The following CACNA1C variants were observed in gnomAD, a reference collection of about 807,000 sequenced individuals.
CACNA1C encodes calcium voltage-gated channel subunit alpha1 C.
In CACNA1C, 30 loss-of-function variants were observed where a neutral mutation model predicts 229.0. That is an observed-to-expected ratio of 0.13 (90% CI 0.10 to 0.18). The LOEUF (loss-of-function observed/expected upper bound fraction) is 0.18, where lower values mean the gene tolerates loss of function less well. Ranked by LOEUF, CACNA1C falls within the 10% of genes least tolerant of loss-of-function variation. CACNA1C has a pLI of 1.00. For missense variants in CACNA1C, 1,658 were observed against 2,845.0 expected (o/e 0.58, Z 9.49); for synonymous variants, 1,114 against 1,132.5 (o/e 0.98, Z 0.33).
intron 3 of CACNA1C, among the ~76,000 whole-genome samples, chr12:2,325,822 G>A (rs2096264896): frequency 6.6e-6 from 1 of 152,230 alleles, no homozygotes; most frequent in African/African-American, 2.4e-5. Context: ...CTCAGGCCAC[G>A]AGCTCTGCGG....
chr12:2,642,597 C>T (rs550891974), intron 30 of CACNA1C, among the ~76,000 whole-genome samples: 16 of 152,302 alleles, frequency 1.1e-4, no homozygotes, highest in Admixed American at 3.9e-4. Flanking sequence ...ATTTGGTGCT[C>T]CCACCCAGGG....
intron 9 of CACNA1C, among the ~76,000 whole-genome samples, chr12:2,540,396 A>T (rs919042270): frequency 1.3e-5 from 2 of 152,050 alleles, no homozygotes; most frequent in East Asian, 3.8e-4. Flanking sequence ...GGTGGGCAGG[A>T]GGGTGGTCCT....
intron 3 of CACNA1C, among the ~76,000 whole-genome samples, chr12:2,192,504 A>T (rs1566279260): frequency 6.6e-6 from 1 of 152,354 alleles, no homozygotes; most frequent in Middle Eastern, 3.4e-3. Flanking sequence ...GGCAGTAAAG[A>T]CGTCCATTTC....
chr12:2,424,675 G>A (rs1264048467), intron 3 of CACNA1C, among the ~76,000 whole-genome samples: 2 of 152,186 alleles, frequency 1.3e-5, no homozygotes, highest in Non-Finnish European at 2.9e-5. Context: ...AAGAGCTTCA[G>A]CAGCTCCAGG....
chr12:2,558,953 A>C (rs2154592727), intron 11 of CACNA1C, among the ~76,000 whole-genome samples: 2 of 152,300 alleles, frequency 1.3e-5, no homozygotes, highest in South Asian at 2.1e-4. Flanking sequence ...AAAAAAAAAA[A>C]ATTTCTCTCT....
At chr12:2,517,225 CA>C (rs985921540) in intron 9 of CACNA1C, among the ~76,000 whole-genome samples, 1 of 152,248 alleles carries the variant, frequency 6.6e-6, no homozygotes, top group African/African-American at 2.4e-5. Context: ...ATGCCTCCTG[CA>C]ATGGCATGGA....
At chr12:1,984,776 GGTAA>G (rs1258928064) in intron 1 of CACNA1C, among the ~76,000 whole-genome samples, 2 of 84,658 alleles carry the variant, frequency 2.4e-5, no homozygotes, top group African/African-American at 9.4e-5. Flanking sequence ...TGGGTCTTCT[GGTAA>G]AAAAAAAAAA....
intron 1 of CACNA1C, chr12:1,998,030 G>A: frequency 2.7e-6 from 4 of 1,480,468 alleles, no homozygotes; most frequent in Non-Finnish European, 3.7e-6. Context: ...AATTCACAAA[G>A]GTATAAAACA....
chr12:2,137,494 G>GCC, intron 3 of CACNA1C, among the ~76,000 whole-genome samples: 1 of 151,154 alleles, frequency 6.6e-6, no homozygotes, highest in African/African-American at 2.4e-5. Flanking sequence ...GCTGAGACGG[G>GCC]AGGAGTGCTT....
chr12:2,111,879 G>A (rs1349355567), intron 1 of CACNA1C, among the ~76,000 whole-genome samples: 3 of 152,200 alleles, frequency 2.0e-5, no homozygotes, highest in Non-Finnish European at 2.9e-5. Context: ...GGCGCCCCGA[G>A]GTTACTGCGG....
intron 1 of CACNA1C, among the ~76,000 whole-genome samples, chr12:2,030,908 C>T (rs1049285155): frequency 6.6e-6 from 1 of 152,214 alleles, no homozygotes; most frequent in African/African-American, 2.4e-5. Context: ...GGAACATTAC[C>T]CATGAGTTTA....
At chr12:2,164,514 A>G (rs1352988777) in intron 3 of CACNA1C, among the ~76,000 whole-genome samples, 1 of 152,214 alleles carries the variant, frequency 6.6e-6, no homozygotes, top group Non-Finnish European at 1.5e-5. Context: ...AGAGATGCTC[A>G]TTGCCTTTAC....
At chr12:2,204,138 G>A (rs933592833) in intron 3 of CACNA1C, among the ~76,000 whole-genome samples, 2 of 151,856 alleles carry the variant, frequency 1.3e-5, no homozygotes, top group Admixed American at 6.6e-5. Context: ...TTTAATGATC[G>A]CCATTCTAAC....
intron 3 of CACNA1C, among the ~76,000 whole-genome samples, chr12:2,411,749 C>T (rs926043383): frequency 4.6e-5 from 7 of 152,216 alleles, no homozygotes; most frequent in South Asian, 4.1e-4. Context: ...ATTAGCCCAG[C>T]GCTGCTGTCT....
intron 3 of CACNA1C, among the ~76,000 whole-genome samples, chr12:2,359,677 G>A (rs1223043778): frequency 6.6e-6 from 1 of 152,054 alleles, no homozygotes; most frequent in Non-Finnish European, 1.5e-5. Context: ...TTGGAAAATA[G>A]GAGCATGGAT....
At chr12:2,628,181 A>G (rs1023908066) in intron 29 of CACNA1C, among the ~76,000 whole-genome samples, 1 of 152,186 alleles carries the variant, frequency 6.6e-6, no homozygotes, top group Non-Finnish European at 1.5e-5. Flanking sequence ...AAGGACTCGG[A>G]ATTGAAGGGC....
chr12:2,444,483 T>C (rs2099258894), intron 3 of CACNA1C, among the ~76,000 whole-genome samples: 1 of 152,128 alleles, frequency 6.6e-6, no homozygotes, highest in African/African-American at 2.4e-5. Context: ...CCGTACTGAT[T>C]TGGAGCCCAG....
At chr12:2,307,720 G>T (rs1443757508) in intron 3 of CACNA1C, among the ~76,000 whole-genome samples, 1 of 152,170 alleles carries the variant, frequency 6.6e-6, no homozygotes, top group Non-Finnish European at 1.5e-5. Flanking sequence ...CTGCTCTCAG[G>T]TGCATTTGAA....
chr12:2,544,261 A>G (rs1021568205), intron 9 of CACNA1C, among the ~76,000 whole-genome samples: 2 of 152,156 alleles, frequency 1.3e-5, no homozygotes, highest in Admixed American at 6.5e-5. Flanking sequence ...GCCCTTTTCT[A>G]TCACTAGCCA....
Sources: allele counts gnomAD v4.1 joint callset (sites outside exome capture counted in the v4.1 genomes callset), GRCh38; gene constraint gnomAD v4.1.1; transcripts MANE v1.5; gene names NCBI Gene and HGNC (gene_info 2026-07-23, HGNC 2026-07-21).